Variants in CTNNA2 observed in about 807,000 individuals in gnomAD.
The protein encoded by CTNNA2 is catenin alpha-2.
CTNNA2 carries 42 observed loss-of-function variants against 101.0 expected under a neutral mutation model. The ratio of observed to expected loss-of-function variants is 0.42; its 90% CI spans 0.32 to 0.54. The LOEUF (loss-of-function observed/expected upper bound fraction) is 0.54, where lower values mean the gene tolerates loss of function less well. CTNNA2 is among the 20% of genes least tolerant of loss of function. The pLI is 0.14. For missense variants in CTNNA2, 871 were observed against 1,223.1 expected (o/e 0.71, Z 4.29); for synonymous variants, 450 against 456.4 (o/e 0.99, Z 0.18).
intron 1 of CTNNA2, among the ~76,000 whole-genome samples, chr2:79,578,678 T>C (rs1274420290): frequency 6.6e-6 from 1 of 152,172 alleles, no homozygotes; most frequent in Non-Finnish European, 1.5e-5. Flanking sequence ...TACATTGGCT[T>C]TCTATATAGC....
At chr2:80,009,026 C>T (rs1267793381) in intron 7 of CTNNA2, among the ~76,000 whole-genome samples, 1 of 152,172 alleles carries the variant, frequency 6.6e-6, no homozygotes, top group East Asian at 1.9e-4. Context: ...GACATACATA[C>T]AAACTATGGC....
intron 1 of CTNNA2, among the ~76,000 whole-genome samples, chr2:79,189,311 C>G (rs117201711): frequency 0.017 from 2,550 of 151,900 alleles, 98 homozygotes; most frequent in East Asian, 0.1. Context: ...AGATGTGTAC[C>G]TATTTTACAG....
intron 1 of CTNNA2, among the ~76,000 whole-genome samples, chr2:79,540,511 C>T (rs972411911): frequency 5.3e-5 from 8 of 152,126 alleles, no homozygotes; most frequent in Non-Finnish European, 1.0e-4. Flanking sequence ...TTTAAATCTC[C>T]CCACCCAAAA....
At chr2:79,726,919 A>C in intron 2 of CTNNA2, among the ~76,000 whole-genome samples, 1 of 152,320 alleles carries the variant, frequency 6.6e-6, no homozygotes, top group African/African-American at 2.4e-5. Flanking sequence ...CTTGGCTATA[A>C]AAAGTGAGTC....
chr2:80,623,750 A>C (rs1328075881), intron 18 of CTNNA2, among the ~76,000 whole-genome samples: 2 of 151,764 alleles, frequency 1.3e-5, no homozygotes, highest in East Asian at 3.9e-4. Flanking sequence ...ACCCCATCCC[A>C]CTCCCCAGCA....
chr2:79,793,884 TCATGCACACA>T (rs1180623246), intron 3 of CTNNA2, among the ~76,000 whole-genome samples: 1 of 98,212 alleles, frequency 1.0e-5, no homozygotes, highest in East Asian at 3.0e-4. Flanking sequence ...ACACACACAC[TCATGCACACA>T]CACACACACA....
chr2:79,207,281 C>T (rs1674111546), intron 2 of CTNNA2, among the ~76,000 whole-genome samples: 1 of 152,128 alleles, frequency 6.6e-6, no homozygotes. Flanking sequence ...CTATAGACTT[C>T]ATGAAGGCAG....
In CTNNA2 at chr2:79,513,155, T is replaced by C; in HGVS notation, c.-58T>C. ...CTTCTGTGATTACCACTCCAGCTGC[T>C]GGGAACGGGCGAGAAAGAGGAGGAG... On this transcript the variant is annotated 5_prime_UTR_variant, in exon 1 of 19. Transcript: ENST00000402739. 1 of 152,606 alleles carries C rather than the reference T, an allele frequency of 6.6e-6. No individual in the cohort carries two copies. The highest frequency in any genetic ancestry group is 1.5e-5 in the Non-Finnish European group (1 of 68,400). 9.5% of individuals were successfully genotyped at this position (152,606 alleles called of 1,614,324 possible).
At chr2:79,232,613 G>C (rs901023433) in intron 2 of CTNNA2, among the ~76,000 whole-genome samples, 1 of 152,118 alleles carries the variant, frequency 6.6e-6, no homozygotes, top group Non-Finnish European at 1.5e-5. Context: ...ACTGTGATTG[G>C]TATCAGTTCT....
At chr2:79,550,425 C>T (rs1440618506) in intron 1 of CTNNA2, among the ~76,000 whole-genome samples, 2 of 152,116 alleles carry the variant, frequency 1.3e-5, no homozygotes, top group Non-Finnish European at 2.9e-5. Context: ...GCACGTCACT[C>T]TTAGCATGTG....
At chr2:79,268,122 TG>T (rs1675010978) in intron 2 of CTNNA2, among the ~76,000 whole-genome samples, 1 of 152,048 alleles carries the variant, frequency 6.6e-6, no homozygotes. Flanking sequence ...AGGGGCCTGA[TG>T]GTAGTGAATT....
In CTNNA2 at chr2:79,683,367, A is replaced by G. The variant is rs12624300; in HGVS notation, c.102+31709A>G. 1.6e-3 allele frequency among the ~76,000 whole-genome samples: 243 copies of G among 152,362 alleles called. 5 individuals are homozygous for G. In the South Asian group the frequency reaches 0.04, roughly 25 times the overall value. On this transcript the variant is annotated intron_variant, in intron 2 of 18. Transcript: ENST00000402739. Reference sequence around the variant, plus strand: ...ACTTAAACATACAGAAATAATAACAATACACAGTACTTTTTTTCTGCCTCA... The same window carrying G: ...ACTTAAACATACAGAAATAATAACAGTACACAGTACTTTTTTTCTGCCTCA...
chr2:79,830,576 A>G (rs1305264243), intron 3 of CTNNA2, among the ~76,000 whole-genome samples: 2 of 152,176 alleles, frequency 1.3e-5, no homozygotes, highest in Non-Finnish European at 2.9e-5. Context: ...TCCACGAGCA[A>G]TTATTTAATG....
chr2:80,271,575 C>T (rs1484676849), intron 7 of CTNNA2, among the ~76,000 whole-genome samples: 1 of 152,170 alleles, frequency 6.6e-6, no homozygotes, highest in East Asian at 1.9e-4. Context: ...GCGCAAGCCA[C>T]CACGCCAGGC....
At chr2:79,918,797 A>T (rs545689458) in intron 7 of CTNNA2, among the ~76,000 whole-genome samples, 163 of 152,330 alleles carry the variant, frequency 1.1e-3, no homozygotes, top group African/African-American at 3.6e-3. Context: ...GTTACAAAGA[A>T]CATAAGTTGA....
chr2:79,575,818 C>T (rs1675759744), intron 1 of CTNNA2, among the ~76,000 whole-genome samples: 1 of 152,170 alleles, frequency 6.6e-6, no homozygotes, highest in Admixed American at 6.6e-5. Context: ...ACAAGAGTAT[C>T]TGTTGTAGAG....
chr2:79,303,246 C>T (rs781484602), intron 2 of CTNNA2, among the ~76,000 whole-genome samples: 3 of 152,142 alleles, frequency 2.0e-5, no homozygotes, highest in Non-Finnish European at 4.4e-5. Context: ...GATCCACGTC[C>T]TGAAGTGGGG....
intron 1 of CTNNA2, among the ~76,000 whole-genome samples, chr2:79,189,565 G>C (rs959467629): frequency 1.3e-5 from 2 of 152,170 alleles, no homozygotes; most frequent in African/African-American, 2.4e-5. Context: ...CTGCAAGAGG[G>C]GAGAGAGCAC....
chr2:79,573,693 A>ATAC (rs1675609397), intron 1 of CTNNA2: 1 of 152,236 alleles, frequency 6.6e-6, no homozygotes, highest in South Asian at 2.1e-4. Context: ...GAAAATAATA[A>ATAC]TAAATATTTT....
Sources: allele counts gnomAD v4.1 joint callset (sites outside exome capture counted in the v4.1 genomes callset), GRCh38; gene constraint gnomAD v4.1.1; transcripts MANE v1.5; gene names NCBI Gene and HGNC (gene_info 2026-07-23, HGNC 2026-07-21).